Variants in KDM6A observed in about 807,000 individuals in gnomAD.
KDM6A encodes the protein lysine-specific demethylase 6A.
In KDM6A, 11 loss-of-function variants were observed where a neutral mutation model predicts 117.6. That is an observed-to-expected ratio of 0.09 (90% CI 0.06 to 0.15). The LOEUF (loss-of-function observed/expected upper bound fraction) is 0.15. Ranked by LOEUF, KDM6A falls within the 10% of genes least tolerant of loss-of-function variation. The probability of loss-of-function intolerance (pLI) is 1.00; values close to 1 mark genes in which losing one functional copy is unlikely to be tolerated. For missense variants in KDM6A, 799 were observed against 1,077.3 expected, an observed-to-expected ratio of 0.74 and a Z score of 3.62; for synonymous variants, 384 against 396.1, an observed-to-expected ratio of 0.97 and a Z score of 0.36.
At chrX:44,878,783 G>T (rs1278568200) in intron 2 of KDM6A, among the ~76,000 whole-genome samples, 2 of 110,386 alleles carry the variant, frequency 1.8e-5, no homozygotes, top group African/African-American at 6.6e-5. Context: ...GTGCAGTAGA[G>T]TGATCTCGGC....
In KDM6A at chrX:45,082,772, C is replaced by T. The variant is rs781105490; in HGVS notation, c.3423C>T (p.Asp1141=). The change falls in exon 23 of 30, where the codon GAC becomes GAT. Residue 1141 remains aspartate (D), a synonymous_variant. Transcript: ENST00000611820. ...CCATAAAGTTTGGGACCAATATTGA[C>T]CTATCTGATGACAAAAAGTAAGTCC... ...FKTIKFGTNI[D]LSDDKKWKLQ... 40 of 1,185,495 alleles carry T rather than the reference C, an allele frequency of 3.4e-5. No homozygotes were observed. Among genetic ancestry groups the T allele is most frequent in the Admixed American group, 1.3e-4 (6 of 45,549 alleles).
intron 4 of KDM6A, among the ~76,000 whole-genome samples, chrX:45,002,688 G>C (rs950386215): frequency 2.7e-5 from 3 of 110,807 alleles, no homozygotes; most frequent in African/African-American, 9.9e-5. Flanking sequence ...AACATTTCTT[G>C]CATAAATTCC....
intron 27 of KDM6A, among the ~76,000 whole-genome samples, chrX:45,102,413 AT>A (rs1363667251): frequency 3.6e-5 from 4 of 112,161 alleles, no homozygotes; most frequent in Non-Finnish European, 7.5e-5. Flanking sequence ...GAATTTCAAA[AT>A]GTAAATTAAA....
intron 27 of KDM6A, among the ~76,000 whole-genome samples, chrX:45,091,109 A>G (rs1023673981): frequency 9.0e-6 from 1 of 110,873 alleles, no homozygotes; most frequent in African/African-American, 3.3e-5. Flanking sequence ...CTTCTTTCCC[A>G]TTTCCCTCTG....
chrX:45,107,353 T>G, intron 27 of KDM6A, 57 bp from the exon 28 acceptor site: 1 of 1,109,889 alleles, frequency 9.0e-7, no homozygotes, highest in Non-Finnish European at 1.2e-6. Flanking sequence ...ATATCTTTTA[T>G]GCTAAAAATA....
intron 3 of KDM6A, among the ~76,000 whole-genome samples, chrX:44,966,863 C>T (rs2039039061): frequency 1.1e-5 from 1 of 94,034 alleles, no homozygotes; most frequent in African/African-American, 5.4e-5. Context: ...AATTCTCTCT[C>T]TCTCTCTTTT....
intron 2 of KDM6A, among the ~76,000 whole-genome samples, chrX:44,959,238 G>T (rs1423069276): frequency 9.1e-6 from 1 of 110,064 alleles, no homozygotes; most frequent in African/African-American, 3.3e-5. Flanking sequence ...AATCAGGCCT[G>T]AGTGTATGGG....
chrX:45,053,908 C>A lies in KDM6A; in HGVS notation c.828C>A (p.Ser276=). ...ESYAIQYLQK[S]LEADPNSGQS... ...ATGCTATTCAGTATCTCCAAAAGTC[C>A]TTGGAAGCAGATCCTAATTCTGGCC... The change falls in exon 10 of 30, where the codon TCC becomes TCA. Residue 276 remains serine (S), a synonymous_variant. Coordinates refer to ENST00000611820, the MANE Select transcript of KDM6A (RefSeq NM_001291415.2). The A allele has an allele frequency of 4.1e-6, 5 of 1,206,942 alleles. No individual in the cohort carries two copies. The South Asian group carries it at 8.8e-5, about 21-fold the overall frequency.
intron 2 of KDM6A, among the ~76,000 whole-genome samples, chrX:44,947,650 A>G (rs2037728873): frequency 8.9e-6 from 1 of 111,736 alleles, no homozygotes; most frequent in African/African-American, 3.3e-5. Flanking sequence ...TGCTGGGATT[A>G]CAGGTGTGAG....
chrX:44,938,208 C>T (rs992116212), intron 2 of KDM6A, among the ~76,000 whole-genome samples: 1 of 111,772 alleles, frequency 8.9e-6, no homozygotes, highest in Non-Finnish European at 1.9e-5. Context: ...CATCCCCTTG[C>T]CTTGGCCTCA....
chrX:45,039,212 A>T (rs2042942498), intron 8 of KDM6A, among the ~76,000 whole-genome samples: 1 of 103,656 alleles, frequency 9.6e-6, no homozygotes, highest in Non-Finnish European at 2.0e-5. Flanking sequence ...TTGCCTCCCC[A>T]TCCCCCCTCT....
At chrX:44,969,880 G>A (rs1333302025) in intron 3 of KDM6A, among the ~76,000 whole-genome samples, 2 of 112,334 alleles carry the variant, frequency 1.8e-5, no homozygotes, top group African/African-American at 6.5e-5. Flanking sequence ...CAGGTTTTAA[G>A]CATTGTATGA....
At chrX:45,080,212 T>C (rs2045338182) in intron 21 of KDM6A, among the ~76,000 whole-genome samples, 1 of 111,668 alleles carries the variant, frequency 9.0e-6, no homozygotes, top group Non-Finnish European at 1.9e-5. Context: ...TTTTTTTCTT[T>C]AGTGCTATCT....
chrX:44,923,873 C>T (rs2036139728), intron 2 of KDM6A, among the ~76,000 whole-genome samples: 1 of 111,307 alleles, frequency 9.0e-6, no homozygotes, highest in African/African-American at 3.3e-5. Flanking sequence ...CAGGCATCTG[C>T]CACCTCGCCT....
At chrX:44,985,505 T>C (rs1434929846) in intron 4 of KDM6A, among the ~76,000 whole-genome samples, 3 of 111,389 alleles carry the variant, frequency 2.7e-5, no homozygotes, top group Non-Finnish European at 5.6e-5. Context: ...AAAGGGAGTG[T>C]TTCCAGTTTT....
chrX:45,086,392 C>T (rs1225920444), intron 25 of KDM6A, among the ~76,000 whole-genome samples: 1 of 112,148 alleles, frequency 8.9e-6, no homozygotes, highest in Admixed American at 9.5e-5. Flanking sequence ...TACCTTTTGC[C>T]ATATCATGAT....
chrX:45,014,135 TG>T (rs1268469200), intron 5 of KDM6A, among the ~76,000 whole-genome samples: 2 of 112,087 alleles, frequency 1.8e-5, no homozygotes, highest in Non-Finnish European at 3.8e-5. Context: ...TAATTGTGTC[TG>T]TTGGCATTTG....
Position 44,911,226 on chromosome X carries a change from C to T in KDM6A, c.225+37239C>T, listed in dbSNP as rs775344640. 2.3e-4 allele frequency among the ~76,000 whole-genome samples: 25 copies of T among 110,706 alleles called. No individual in the cohort carries two copies. In the East Asian group the frequency reaches 4.1e-3, roughly 18 times the overall value. On this transcript the variant is annotated intron_variant, in intron 2 of 29. Transcript: ENST00000611820. ...CCGGGCGGAGACACTCCTCACTTCC[C>T]GGACGGGGCGGCTGCCGGGCGGAGG...
At chrX:44,952,919 C>T (rs534786961) in intron 2 of KDM6A, among the ~76,000 whole-genome samples, 10 of 110,453 alleles carry the variant, frequency 9.1e-5, no homozygotes, top group African/African-American at 2.6e-4. Flanking sequence ...GCTGGGACCA[C>T]AGGTGTGTGC....
Sources: gnomAD v4.1 joint callset for allele counts (sites outside exome capture counted in the v4.1 genomes callset) on GRCh38, gnomAD v4.1.1 for gene constraint, MANE v1.5 for transcripts, NCBI Gene and HGNC (gene_info 2026-07-23, HGNC 2026-07-21) for gene names.